Variants in YEATS2 observed in about 807,000 individuals in gnomAD.
YEATS2 encodes the protein YEATS domain containing 2, also known as YEATS domain-containing protein 2.
A neutral mutation model predicts 163.2 loss-of-function variants in YEATS2; 77 were observed. The ratio of observed to expected loss-of-function variants is 0.47; its 90% CI spans 0.39 to 0.57. The LOEUF (loss-of-function observed/expected upper bound fraction) is 0.57. Among genes scored for constraint, YEATS2 ranks in the 20% least tolerant of loss-of-function variants. The pLI, the probability that YEATS2 is intolerant of heterozygous loss-of-function variation, is 0.00. For synonymous variants in YEATS2, 631 were observed against 645.1 expected (o/e 0.98, Z 0.33); for missense variants, 1,549 against 1,729.8 (o/e 0.90, Z 1.85).
At position 183,698,275 on chromosome 3, in the gene YEATS2, G is replaced by C. The variant is rs1002242538; in HGVS notation, c.-20+282G>C. Among the ~76,000 whole-genome samples the C allele has an allele frequency of 2.0e-5, 3 of 152,344 alleles. No individual in the cohort carries two copies. The East Asian group carries it at 5.8e-4, about 29-fold the overall frequency. ...AGGGGATACGGGACCCCGAGCCACA[G>C]CGGCCGGAGCTTTTAGGATGTTAAG... On this transcript the variant is annotated intron_variant, in intron 1 of 30. Coordinates refer to ENST00000305135, the MANE Select transcript of YEATS2 (RefSeq NM_018023.5).
chr3:183,756,477 GTGAGT>G, intron 11 of YEATS2, 46 bp from the exon 12 acceptor site: 1 of 1,460,332 alleles, frequency 6.8e-7, no homozygotes, highest in Middle Eastern at 1.8e-4. Flanking sequence ...ATCTTCTTAC[GTGAGT>G]TGAATATGTG....
At chr3:183,702,256 C>T (rs1424230863) in intron 1 of YEATS2, among the ~76,000 whole-genome samples, 1 of 151,878 alleles carries the variant, frequency 6.6e-6, no homozygotes, top group Non-Finnish European at 1.5e-5. Context: ...ACCAGCCTGG[C>T]CAACATGGAG....
intron 13 of YEATS2, among the ~76,000 whole-genome samples, chr3:183,760,308 A>G (rs1234880448): frequency 2.1e-5 from 3 of 143,178 alleles, no homozygotes; most frequent in Middle Eastern, 3.7e-3. Context: ...AAGAGAAACT[A>G]CAGAATTTTT....
chr3:183,805,945 C>T (rs2108532642), intron 27 of YEATS2, among the ~76,000 whole-genome samples: 1 of 152,154 alleles, frequency 6.6e-6, no homozygotes, highest in Admixed American at 6.5e-5. Flanking sequence ...AGAGCAGAGA[C>T]CGTGTTAATG....
intron 1 of YEATS2, among the ~76,000 whole-genome samples, chr3:183,703,130 C>T (rs1044097855): frequency 6.6e-6 from 1 of 152,142 alleles, no homozygotes; most frequent in African/African-American, 2.4e-5. Context: ...GTCTTTTGCT[C>T]AGCTCTTTAC....
In YEATS2 at chr3:183,812,284, A is replaced by G. The variant is rs1312126249; in HGVS notation, c.*1701A>G. ...TCTGAGGGCTGCAAGTACAGAAGGA[A>G]TCTATTCTCAGCAGGGCATAGGGCA... On this transcript the variant is annotated 3_prime_UTR_variant, in exon 31 of 31. Transcript: ENST00000305135. 6.6e-6 allele frequency: 1 copy of G among 152,234 alleles called. No homozygotes were observed. Among genetic ancestry groups the G allele is most frequent in the Non-Finnish European group, 1.5e-5 (1 of 68,064 alleles). 9.4% of individuals were successfully genotyped at this position (152,234 alleles called of 1,614,324 possible).
rs753793531 is a variant in YEATS2 at position 183,776,142 on chromosome 3, G to T, written c.2577+19G>T. On this transcript the variant is annotated intron_variant, in intron 18 of 30. Coordinates refer to ENST00000305135, the MANE Select transcript of YEATS2 (RefSeq NM_018023.5). Reference sequence around the variant, plus strand: ...TCCCCAGGTCTGGTTCTCTGTAACTGATATTTTAAATCATTTAGCTATTGG... The same window carrying T: ...TCCCCAGGTCTGGTTCTCTGTAACTTATATTTTAAATCATTTAGCTATTGG... 6.5e-7 allele frequency: 1 copy of T among 1,532,370 alleles called. No homozygotes were observed. The highest frequency in any genetic ancestry group is 1.3e-5 in the South Asian group (1 of 76,712). 94.9% of individuals were successfully genotyped at this position (1,532,370 alleles called of 1,614,324 possible). A position where few individuals can be genotyped will look rare whatever the true frequency, so the allele number is the denominator to read the frequency against.
rs928365175 is a variant in YEATS2, at chr3:183,697,847, C to T, written c.-166C>T. ...GGCGGAACGCGCCGGGCGGGCTCCA[C>T]CGCGCCGTGTGCTTCCGCAGGTTGC... On this transcript the variant is annotated 5_prime_UTR_variant, in exon 1 of 31. Transcript: ENST00000305135. 8.6e-5 allele frequency: 13 copies of T among 150,924 alleles called. No homozygotes were observed. Among genetic ancestry groups the T allele is most frequent in the African/African-American group, 3.1e-4 (13 of 41,346 alleles). 9.3% of individuals were successfully genotyped at this position (150,924 alleles called of 1,614,324 possible).
intron 8 of YEATS2, among the ~76,000 whole-genome samples, chr3:183,737,403 A>T (rs1027831868): frequency 2.2e-4 from 33 of 152,354 alleles, no homozygotes; most frequent in African/African-American, 7.9e-4. Context: ...CTGCTACAAC[A>T]CTACTTTGTC....
intron 6 of YEATS2, among the ~76,000 whole-genome samples, chr3:183,726,081 G>A (rs1812718): frequency 0.19 from 29,044 of 151,836 alleles, 3,040 homozygotes; most frequent in East Asian, 0.3. Flanking sequence ...AGGCCTCAGG[G>A]AATGTTTTTT....
In YEATS2 at chr3:183,714,532, A is replaced by G. The variant is rs183181523; in HGVS notation, c.-19-612A>G. On this transcript the variant is annotated intron_variant, in intron 1 of 30. Coordinates refer to ENST00000305135, the MANE Select transcript of YEATS2 (RefSeq NM_018023.5). ...TTTAATGGGATTGTTTTATTCAAAG[A>G]CTTGTGTATGTGGGGCTTGTTTACC... is the stretch of plus-strand genomic sequence containing the variant. 1.8e-4 allele frequency among the ~76,000 whole-genome samples: 28 copies of G among 151,606 alleles called. No individual in the cohort carries two copies. The East Asian group carries it at 5.2e-3, about 28-fold the overall frequency.
In YEATS2 at chr3:183,809,079, C is replaced by T. The variant is rs778427967; in HGVS notation, c.4087-18C>T. The T allele has an allele frequency of 6.2e-7, 1 of 1,613,750 alleles. No homozygotes were observed. On this transcript the variant is annotated intron_variant, in intron 29 of 30. Transcript: ENST00000305135. Reference sequence around the variant, plus strand: ...AAGCAGATGGCCATTTGAAGAATAACAGCATCTTCCATTGTAGGCTACAGA... The same window carrying T: ...AAGCAGATGGCCATTTGAAGAATAATAGCATCTTCCATTGTAGGCTACAGA...
chr3:183,766,552 A>G (rs1721925728), intron 15 of YEATS2, among the ~76,000 whole-genome samples: 2 of 152,238 alleles, frequency 1.3e-5, no homozygotes, highest in South Asian at 2.1e-4. Flanking sequence ...TGTATAACAA[A>G]TACAAAACAA....
At chr3:183,717,860 CT>C (rs34867307) in intron 3 of YEATS2, 112 bp downstream of exon 3, 25,952 of 275,778 alleles carry the variant, frequency 0.094, 56 homozygotes, top group Middle Eastern at 0.11. Context: ...CTCCTCTTTG[CT>C]TTTTTTTTTT....
chr3:183,805,259 G>T (rs1300074970), intron 27 of YEATS2, among the ~76,000 whole-genome samples: 3 of 151,906 alleles, frequency 2.0e-5, no homozygotes, highest in African/African-American at 7.3e-5. Flanking sequence ...AAATTACCCG[G>T]GTGTGGTAGC....
rs758822426 is a variant in YEATS2 at position 183,736,760 on chromosome 3, T to C, written c.855T>C (p.Phe285=). The C allele has an allele frequency of 1.9e-5, 31 of 1,614,028 alleles. No individual in the cohort carries two copies. The highest frequency in any genetic ancestry group is 2.5e-5 in the Non-Finnish European group (30 of 1,179,952). The change falls in exon 8 of 31, where the codon TTT becomes TTC. Residue 285 remains phenylalanine (F), a synonymous_variant. Coordinates refer to ENST00000305135, the MANE Select transcript of YEATS2 (RefSeq NM_018023.5). ...FHLTRRGWGE[F]PVRVQVHFKD... Reference sequence around the variant, plus strand: ...TGACCAGAAGAGGCTGGGGTGAGTTTCCCGTCAGAGTTCAAGTTCATTTTA... The same window carrying C: ...TGACCAGAAGAGGCTGGGGTGAGTTCCCCGTCAGAGTTCAAGTTCATTTTA...
intron 30 of YEATS2, 143 bp downstream of exon 30, chr3:183,809,313 C>G: frequency 1.3e-6 from 1 of 780,876 alleles, no homozygotes; most frequent in South Asian, 1.7e-5. Context: ...CAGATGAGCT[C>G]AAGGGTCTGC....
At chr3:183,737,924 A>G (rs944486426) in intron 8 of YEATS2, among the ~76,000 whole-genome samples, 2 of 151,964 alleles carry the variant, frequency 1.3e-5, no homozygotes, top group Non-Finnish European at 2.9e-5. Context: ...TGTGAGTACC[A>G]TTTTTCCAAC....
intron 1 of YEATS2, among the ~76,000 whole-genome samples, chr3:183,698,471 G>T (rs1425231954): frequency 1.3e-5 from 2 of 152,212 alleles, no homozygotes; most frequent in African/African-American, 4.8e-5. Context: ...GGGCCAACGC[G>T]CCGGAGCTGC....
Sources: gnomAD v4.1 joint callset for allele counts (sites outside exome capture counted in the v4.1 genomes callset) on GRCh38, gnomAD v4.1.1 for gene constraint, MANE v1.5 for transcripts, NCBI Gene and HGNC (gene_info 2026-07-23, HGNC 2026-07-21) for gene names.